NRG3: variants seen among roughly 807,000 people sequenced by gnomAD.
NRG3 encodes neuregulin 3, also known as pro-neuregulin-3, membrane-bound isoform.
In NRG3, 31 loss-of-function variants were observed where a neutral mutation model predicts 66.9. The observed-to-expected ratio is 0.46, with a 90% CI of 0.35 to 0.63. The LOEUF (loss-of-function observed/expected upper bound fraction) is 0.63, where lower values mean the gene tolerates loss of function less well. Among genes scored for constraint, NRG3 ranks in the 20% least tolerant of loss-of-function variants. The pLI is 0.00. For synonymous variants in NRG3, 393 were observed against 359.4 expected, an observed-to-expected ratio of 1.09 and a Z score of -1.06; for missense variants, 910 against 878.9, an observed-to-expected ratio of 1.04 and a Z score of -0.45.
chr10:81,899,336 A>C (rs1239352178), intron 1 of NRG3, among the ~76,000 whole-genome samples: 1 of 152,164 alleles, frequency 6.6e-6, no homozygotes, highest in Non-Finnish European at 1.5e-5. Flanking sequence ...TTCACCTAAC[A>C]TTTTGTTAGT....
chr10:82,016,621 G>C (rs1207422671), intron 1 of NRG3, among the ~76,000 whole-genome samples: 1 of 152,076 alleles, frequency 6.6e-6, no homozygotes, highest in Non-Finnish European at 1.5e-5. Flanking sequence ...AAGATGATCA[G>C]AGATGATGCA....
At chr10:82,151,056 A>T (rs1314262243) in intron 1 of NRG3, among the ~76,000 whole-genome samples, 2 of 152,240 alleles carry the variant, frequency 1.3e-5, no homozygotes, top group African/African-American at 4.8e-5. Context: ...GCAAAAATGT[A>T]TGCTAAGGGT....
intron 2 of NRG3, among the ~76,000 whole-genome samples, chr10:82,676,029 G>A (rs905960017): frequency 1.3e-5 from 2 of 152,104 alleles, no homozygotes; most frequent in Non-Finnish European, 2.9e-5. Flanking sequence ...AATCAGGGAG[G>A]TGTATTCTCA....
At chr10:82,153,773 T>TA (rs1432110361) in intron 1 of NRG3, among the ~76,000 whole-genome samples, 2 of 152,128 alleles carry the variant, frequency 1.3e-5, no homozygotes, top group Non-Finnish European at 2.9e-5. Context: ...TATGAGGTAA[T>TA]ATCTCATGTT....
At chr10:82,246,169 T>C (rs999863024) in intron 1 of NRG3, among the ~76,000 whole-genome samples, 60 of 152,098 alleles carry the variant, frequency 3.9e-4, no homozygotes, top group African/African-American at 1.3e-3. Context: ...TCTACACTTA[T>C]ATGTAAAAGG....
chr10:82,780,229 A>G (rs761711996), intron 3 of NRG3, among the ~76,000 whole-genome samples: 9 of 152,168 alleles, frequency 5.9e-5, no homozygotes, highest in African/African-American at 9.7e-5. Flanking sequence ...TCCTTTGGGT[A>G]TATACCCAGT....
rs1001157055 is a variant in NRG3, at chr10:82,437,594, C to T, written c.953+78726C>T. Among the ~76,000 whole-genome samples the T allele has an allele frequency of 4.6e-5, 7 of 152,026 alleles. No homozygotes were observed. In the East Asian group the frequency reaches 5.8e-4, roughly 13 times the overall value. ...CTGTGCCCTTGATGGAGAGATGTTG[C>T]GATCATTTGGAGGAGAGACACTTTG... On this transcript the variant is annotated intron_variant, in intron 2 of 8. Transcript: ENST00000372141.
intron 3 of NRG3, among the ~76,000 whole-genome samples, chr10:82,812,597 GC>G (rs2061535010): frequency 6.6e-6 from 1 of 152,126 alleles, no homozygotes; most frequent in African/African-American, 2.4e-5. Context: ...AATCAACACT[GC>G]TAAAAACCAC....
intron 1 of NRG3, among the ~76,000 whole-genome samples, chr10:82,008,314 A>G (rs73310512): frequency 0.044 from 6,749 of 152,302 alleles, 492 homozygotes; most frequent in African/African-American, 0.15. Flanking sequence ...TGAGTTCGAC[A>G]GGCAAAGATG....
rs192804678 is a variant in NRG3 at position 82,927,565 on chromosome 10, C to T, written c.1055-23904C>T. ...GTGTCCATGTGTTCTCATTGTTCAA[C>T]TCCCACTTATGAGTGAGAGCATGTG... is the stretch of plus-strand genomic sequence containing the variant. On this transcript the variant is annotated intron_variant, in intron 4 of 8. Transcript: ENST00000372141. Among the ~76,000 whole-genome samples, 30 of 152,216 alleles carry T rather than the reference C, an allele frequency of 2.0e-4. No homozygotes were observed. The East Asian group carries it at 2.5e-3, about 13-fold the overall frequency.
chr10:82,894,062 C>A (rs1005834573), intron 4 of NRG3, among the ~76,000 whole-genome samples: 1 of 152,218 alleles, frequency 6.6e-6, no homozygotes. Context: ...TCAAGTTATA[C>A]AATCTCTTTC....
At chr10:82,283,993 TAGAG>T (rs529366866) in intron 1 of NRG3, among the ~76,000 whole-genome samples, 10 of 152,346 alleles carry the variant, frequency 6.6e-5, no homozygotes, top group South Asian at 2.1e-4. Flanking sequence ...GAGAGAAAGT[TAGAG>T]AGAGCATTGC....
chr10:81,891,230 G>T (rs1234002680), intron 1 of NRG3, among the ~76,000 whole-genome samples: 1 of 152,160 alleles, frequency 6.6e-6, no homozygotes, highest in Admixed American at 6.6e-5. Context: ...GATGAAAAAG[G>T]TTTGTTGTCA....
At chr10:82,430,686 GTTTC>G (rs760503665) in intron 2 of NRG3, among the ~76,000 whole-genome samples, 4 of 152,036 alleles carry the variant, frequency 2.6e-5, no homozygotes, top group Non-Finnish European at 5.9e-5. Flanking sequence ...TTTGCTTTTA[GTTTC>G]TTTCATGGAC....
intron 1 of NRG3, among the ~76,000 whole-genome samples, chr10:82,283,130 G>A (rs2079216844): frequency 6.6e-6 from 1 of 151,776 alleles, no homozygotes; most frequent in Non-Finnish European, 1.5e-5. Flanking sequence ...ACCAAGACTT[G>A]GGAAACACTC....
At chr10:82,165,272 T>C (rs950791547) in intron 1 of NRG3, among the ~76,000 whole-genome samples, 1 of 152,054 alleles carries the variant, frequency 6.6e-6, no homozygotes, top group African/African-American at 2.4e-5. Flanking sequence ...ATTTTAAGAA[T>C]TTTTATATAA....
intron 1 of NRG3, among the ~76,000 whole-genome samples, chr10:81,886,850 A>G: frequency 6.6e-6 from 1 of 152,140 alleles, no homozygotes; most frequent in East Asian, 1.9e-4. Context: ...CATGATATTA[A>G]GCTTTACTGG....
intron 1 of NRG3, among the ~76,000 whole-genome samples, chr10:82,038,727 T>A (rs2062903462): frequency 6.6e-6 from 1 of 152,122 alleles, no homozygotes. Context: ...TCTGTTTGCT[T>A]CTGGGACTAC....
intron 2 of NRG3, among the ~76,000 whole-genome samples, chr10:82,575,879 G>T (rs1009120471): frequency 2.6e-5 from 4 of 151,686 alleles, no homozygotes; most frequent in Admixed American, 1.3e-4. Flanking sequence ...AATTTCTCAT[G>T]CATGAGTGAA....
Sources: gnomAD v4.1 joint callset for allele counts (sites outside exome capture counted in the v4.1 genomes callset) on GRCh38, gnomAD v4.1.1 for gene constraint, MANE v1.5 for transcripts, NCBI Gene and HGNC (gene_info 2026-07-23, HGNC 2026-07-21) for gene names.